DSCAM: variants seen among roughly 807,000 people sequenced by gnomAD.
The protein encoded by DSCAM is cell adhesion molecule DSCAM.
In DSCAM, 47 loss-of-function variants were observed where a neutral mutation model predicts 217.7. The observed-to-expected ratio is 0.22, with a 90% confidence interval of 0.17 to 0.28. DSCAM has a LOEUF of 0.28. Ranked by LOEUF, DSCAM falls within the 10% of genes least tolerant of loss-of-function variation. DSCAM has a pLI of 1.00. For missense variants in DSCAM, 2,080 were observed against 2,618.3 expected (o/e 0.79, Z 4.49); for synonymous variants, 1,056 against 1,015.3 (o/e 1.04, Z -0.76).
In DSCAM at chr21:40,684,251, C is replaced by T. The variant is rs183884451; in HGVS notation, c.508+8559G>A. ...AAAAAAGAAAAAAGAAAAAAGAAAC[C>T]GGACTGGCATAAATGCTCAATGTGC... is the stretch of plus-strand genomic sequence containing the variant. On this transcript the variant is annotated intron_variant, in intron 3 of 32. Transcript: ENST00000400454. 1.0e-3 allele frequency among the ~76,000 whole-genome samples: 152 copies of T among 152,096 alleles called. 1 individual carries two copies. Among genetic ancestry groups the T allele is most frequent in the South Asian group, 5.2e-3 (25 of 4,794 alleles).
chr21:40,668,554 G>T (rs1401224813), intron 3 of DSCAM, among the ~76,000 whole-genome samples: 1 of 152,168 alleles, frequency 6.6e-6, no homozygotes, highest in African/African-American at 2.4e-5. Context: ...TGGACCAGCA[G>T]ATTCAGCAAC....
intron 32 of DSCAM, among the ~76,000 whole-genome samples, chr21:40,036,625 C>T (rs1370298591): frequency 4.1e-5 from 6 of 147,400 alleles, no homozygotes; most frequent in African/African-American, 5.3e-5. Flanking sequence ...GAAACTATTC[C>T]AATCAATAGA....
chr21:40,014,325 G>A (rs2146405526), intron 32 of DSCAM, among the ~76,000 whole-genome samples: 1 of 152,344 alleles, frequency 6.6e-6, no homozygotes, highest in South Asian at 2.1e-4. Flanking sequence ...GGGAGGAGGA[G>A]GTTGCAGTGA....
intron 3 of DSCAM, among the ~76,000 whole-genome samples, chr21:40,529,601 A>G (rs2076427144): frequency 6.6e-6 from 1 of 152,120 alleles, no homozygotes; most frequent in Non-Finnish European, 1.5e-5. Context: ...CCCTCATATC[A>G]GCACCTGCCT....
intron 20 of DSCAM, among the ~76,000 whole-genome samples, chr21:40,101,968 G>A (rs1459767422): frequency 6.6e-6 from 1 of 152,154 alleles, no homozygotes; most frequent in Non-Finnish European, 1.5e-5. Flanking sequence ...CTCGTAATAG[G>A]AAGGGCTTGT....
rs1013811908 is a variant in DSCAM, at chr21:40,295,989, C to T, written c.2182+66G>A. ...AAACTTCTCTGGAAATCTAGAAATG[C>T]TTATCTAATCCTTTAGAACATAGCA... On this transcript the variant is annotated intron_variant, in intron 10 of 32. Transcript: ENST00000400454. 5 of 1,533,430 alleles carry T rather than the reference C, an allele frequency of 3.3e-6. No homozygotes were observed. In the African/African-American group the frequency reaches 4.2e-5, roughly 13 times the overall value. The allele number at this position is 1,533,430 out of a possible 1,614,324, so 95.0% of individuals were successfully genotyped here.
chr21:40,438,165 A>G (rs565618386), intron 3 of DSCAM, among the ~76,000 whole-genome samples: 2 of 152,340 alleles, frequency 1.3e-5, no homozygotes, highest in Non-Finnish European at 2.9e-5. Flanking sequence ...GCCACTTGTC[A>G]TTGAGCTTAA....
chr21:40,786,770 G>A (rs1040604835), intron 1 of DSCAM, among the ~76,000 whole-genome samples: 8 of 152,234 alleles, frequency 5.3e-5, no homozygotes, highest in Non-Finnish European at 7.4e-5. Context: ...AATAATGGTC[G>A]TAATCACTAA....
At chr21:40,700,222 C>T (rs1173884062) in intron 2 of DSCAM, among the ~76,000 whole-genome samples, 2 of 152,200 alleles carry the variant, frequency 1.3e-5, no homozygotes, top group Non-Finnish European at 2.9e-5. Flanking sequence ...ATAGAACCTC[C>T]AGGACGATGT....
intron 11 of DSCAM, among the ~76,000 whole-genome samples, chr21:40,266,956 A>G (rs966626142): frequency 2.7e-5 from 4 of 148,528 alleles, no homozygotes; most frequent in Non-Finnish European, 4.5e-5. Flanking sequence ...GTTCTCATTT[A>G]TAAGTAGGAG....
chr21:40,651,113 T>C (rs2146359812), intron 3 of DSCAM, among the ~76,000 whole-genome samples: 1 of 152,272 alleles, frequency 6.6e-6, no homozygotes, highest in East Asian at 1.9e-4. Context: ...GGGGCAGCTT[T>C]GTGGGTGCAC....
At chr21:40,427,237 G>A (rs552040617) in intron 3 of DSCAM, among the ~76,000 whole-genome samples, 10 of 152,118 alleles carry the variant, frequency 6.6e-5, no homozygotes, top group Non-Finnish European at 1.5e-4. Flanking sequence ...TGTCCTAGCT[G>A]ATCACTGTCC....
intron 11 of DSCAM, among the ~76,000 whole-genome samples, chr21:40,227,057 T>C (rs1054835395): frequency 1.3e-5 from 2 of 152,222 alleles, no homozygotes; most frequent in Non-Finnish European, 2.9e-5. Context: ...GCTCCATCCA[T>C]GTCCCTGCAA....
intron 20 of DSCAM, among the ~76,000 whole-genome samples, chr21:40,121,116 G>A (rs970207693): frequency 6.6e-6 from 1 of 152,096 alleles, no homozygotes; most frequent in Non-Finnish European, 1.5e-5. Flanking sequence ...AAAATATCTA[G>A]AGCTCATACT....
At chr21:40,811,692 A>G (rs1484207219) in intron 1 of DSCAM, among the ~76,000 whole-genome samples, 1 of 152,194 alleles carries the variant, frequency 6.6e-6, no homozygotes, top group Non-Finnish European at 1.5e-5. Flanking sequence ...GGAGGCTGAG[A>G]GAGCAGTTAA....
intron 11 of DSCAM, among the ~76,000 whole-genome samples, chr21:40,269,443 T>C (rs78195257): frequency 0.038 from 5,714 of 152,280 alleles, 347 homozygotes; most frequent in African/African-American, 0.13. Context: ...TTCGGACTCT[T>C]CTGCTTAGGC....
intron 1 of DSCAM, among the ~76,000 whole-genome samples, chr21:40,845,747 C>T (rs140347527): frequency 1.3e-5 from 2 of 152,232 alleles, no homozygotes; most frequent in Non-Finnish European, 2.9e-5. Context: ...TACTCCCAGG[C>T]GATGTCAAAT....
intron 8 of DSCAM, among the ~76,000 whole-genome samples, chr21:40,329,928 G>A (rs1158931219): frequency 1.3e-5 from 2 of 151,860 alleles, no homozygotes; most frequent in African/African-American, 4.8e-5. Context: ...AAAATTTCAG[G>A]AGGAAAAGTC....
chr21:40,012,564 C>A lies in DSCAM; in HGVS notation c.*470G>T, dbSNP rs764506230. ...ATCCTAATTAACAACAAAAGAAGAC[C>A]AAATTGAGAACCCGGTTTCTAATGG... On this transcript the variant is annotated 3_prime_UTR_variant, in exon 33 of 33. Coordinates refer to ENST00000400454, the MANE Select transcript of DSCAM (RefSeq NM_001389.5). The A allele has an allele frequency of 6.6e-6, 1 of 152,134 alleles. No individual in the cohort carries two copies. The highest frequency in any genetic ancestry group is 2.4e-5 in the African/African-American group (1 of 41,354). 9.4% of individuals were successfully genotyped at this position (152,134 alleles called of 1,614,324 possible). A position where few individuals can be genotyped will look rare whatever the true frequency, so the allele number is the denominator to read the frequency against.
Sources: allele counts gnomAD v4.1 joint callset (sites outside exome capture counted in the v4.1 genomes callset), GRCh38; gene constraint gnomAD v4.1.1; transcripts MANE v1.5; gene names NCBI Gene and HGNC (gene_info 2026-07-23, HGNC 2026-07-21).